Variants in MYO18B observed in about 807,000 individuals in gnomAD.
The protein encoded by MYO18B is myosin XVIIIB.
A neutral mutation model predicts 273.0 loss-of-function variants in MYO18B; 204 were observed. The observed-to-expected ratio is 0.75, with a 90% confidence interval of 0.67 to 0.84. MYO18B has a LOEUF of 0.84. Ranked by LOEUF, MYO18B falls within the 40% of genes least tolerant of loss-of-function variation. The pLI is 0.00. For missense variants in MYO18B, 3,212 were observed against 3,287.6 expected (o/e 0.98, Z 0.56); for synonymous variants, 1,330 against 1,305.7 (o/e 1.02, Z -0.40).
rs1318244327 is a variant in MYO18B at position 26,017,904 on chromosome 22, C to G, written c.6471-8541C>G. Among the ~76,000 whole-genome samples the G allele has an allele frequency of 4.6e-5, 7 of 151,116 alleles. No homozygotes were observed. The East Asian group carries it at 1.4e-3, about 29-fold the overall frequency. On this transcript the variant is annotated intron_variant, in intron 42 of 43. Coordinates refer to ENST00000335473, the MANE Select transcript of MYO18B (RefSeq NM_032608.7). ...CTTATTATTAACATCTTGCATTACT[C>G]CTCCATCTCTTTTAAATGAGAACGA...
intron 20 of MYO18B, among the ~76,000 whole-genome samples, chr22:25,849,583 T>G (rs1022697677): frequency 6.6e-6 from 1 of 152,198 alleles, no homozygotes; most frequent in Non-Finnish European, 1.5e-5. Context: ...AATGAGATCA[T>G]TTTTGCTGTG....
At chr22:26,013,475 T>C (rs1935071009) in intron 42 of MYO18B, among the ~76,000 whole-genome samples, 1 of 152,240 alleles carries the variant, frequency 6.6e-6, no homozygotes, top group Non-Finnish European at 1.5e-5. Flanking sequence ...TGGTTTCCCA[T>C]GATTATGAAT....
At chr22:25,984,166 C>T (rs2093177339) in intron 39 of MYO18B, among the ~76,000 whole-genome samples, 1 of 152,146 alleles carries the variant, frequency 6.6e-6, no homozygotes, top group African/African-American at 2.4e-5. Context: ...CACCTTTTGT[C>T]AAGGAATAAT....
intron 41 of MYO18B, among the ~76,000 whole-genome samples, chr22:26,003,556 T>C (rs797020275): frequency 3.3e-5 from 5 of 152,318 alleles, no homozygotes; most frequent in African/African-American, 9.6e-5. Flanking sequence ...TGGCTCCCTA[T>C]TGCCCCAGAA....
At chr22:25,994,540 T>A (rs1052557910) in intron 40 of MYO18B, among the ~76,000 whole-genome samples, 2 of 149,526 alleles carry the variant, frequency 1.3e-5, no homozygotes, top group African/African-American at 2.5e-5. Context: ...TTAAAAAAAA[T>A]TATTCAATTT....
chr22:26,052,462 T>G, the MYO18B span, among the ~76,000 whole-genome samples: 1 of 152,212 alleles, frequency 6.6e-6, no homozygotes, highest in African/African-American at 2.4e-5. Flanking sequence ...TGGATGTATA[T>G]TCTCACTCCT....
intron 21 of MYO18B, among the ~76,000 whole-genome samples, chr22:25,851,782 G>T (rs920786693): frequency 4.6e-5 from 7 of 152,184 alleles, no homozygotes; most frequent in Non-Finnish European, 7.3e-5. Flanking sequence ...GTGGGCTCAT[G>T]TTCCATAAGG....
intron 39 of MYO18B, among the ~76,000 whole-genome samples, chr22:25,967,830 C>T (rs934990518): frequency 1.3e-5 from 2 of 152,160 alleles, no homozygotes; most frequent in African/African-American, 2.4e-5. Flanking sequence ...GGGGTCAACC[C>T]GTATCTGTTT....
chr22:25,758,290 A>T (rs1039996744), intron 1 of MYO18B, among the ~76,000 whole-genome samples: 8 of 149,358 alleles, frequency 5.4e-5, no homozygotes, highest in Admixed American at 5.3e-4. Flanking sequence ...GGGATTACAG[A>T]TGTGAGCCAC....
At chr22:25,850,571 T>C (rs945990203) in intron 20 of MYO18B, among the ~76,000 whole-genome samples, 10 of 152,182 alleles carry the variant, frequency 6.6e-5, no homozygotes, top group Non-Finnish European at 1.3e-4. Context: ...TACTGTGGAC[T>C]ATAAAATAAT....
At chr22:25,862,060 C>G (rs1269865248) in intron 21 of MYO18B, among the ~76,000 whole-genome samples, 1 of 152,082 alleles carries the variant, frequency 6.6e-6, no homozygotes, top group Non-Finnish European at 1.5e-5. Context: ...TCACGGTTCC[C>G]TAAACAACAC....
chr22:25,915,645 A>C (rs2092249899), intron 33 of MYO18B, among the ~76,000 whole-genome samples: 1 of 152,148 alleles, frequency 6.6e-6, no homozygotes, highest in Non-Finnish European at 1.5e-5. Flanking sequence ...TTATTATTGA[A>C]TATTATATGT....
chr22:25,773,609 A>G (rs1226184586), intron 7 of MYO18B, among the ~76,000 whole-genome samples: 10 of 151,824 alleles, frequency 6.6e-5, no homozygotes, highest in Admixed American at 1.3e-4. Context: ...GACTACAGGC[A>G]CCCGCCACCA....
At chr22:25,827,230 A>G (rs1239693601) in intron 14 of MYO18B, among the ~76,000 whole-genome samples, 2 of 152,154 alleles carry the variant, frequency 1.3e-5, no homozygotes, top group Non-Finnish European at 2.9e-5. Flanking sequence ...GAGGAGACTA[A>G]AGCTTGAAGG....
intron 12 of MYO18B, among the ~76,000 whole-genome samples, chr22:25,812,126 A>G (rs5752224): frequency 0.066 from 10,044 of 152,242 alleles, 579 homozygotes; most frequent in East Asian, 0.21. Flanking sequence ...TTGGGGGTCC[A>G]AGGAAGGCTT....
intron 12 of MYO18B, among the ~76,000 whole-genome samples, chr22:25,810,281 G>A (rs1050454308): frequency 2.6e-5 from 4 of 151,386 alleles, no homozygotes; most frequent in African/African-American, 9.7e-5. Flanking sequence ...TGTATTTTTA[G>A]TAGAGATGGG....
At chr22:25,913,634 C>CTG (rs2092204569) in intron 33 of MYO18B, among the ~76,000 whole-genome samples, 1 of 152,208 alleles carries the variant, frequency 6.6e-6, no homozygotes, top group African/African-American at 2.4e-5. Context: ...TCCCAAAGTG[C>CTG]TGGGATTACA....
At chr22:25,898,252 A>T (rs1354454074) in intron 28 of MYO18B, 55 bp from the exon 29 acceptor site, 1 of 1,563,584 alleles carries the variant, frequency 6.4e-7, no homozygotes, top group Non-Finnish European at 8.6e-7. Context: ...AATACAAAGT[A>T]AAAAGCTCGT....
At chr22:25,762,662 G>A (rs569868227) in intron 2 of MYO18B, among the ~76,000 whole-genome samples, 2 of 152,400 alleles carry the variant, frequency 1.3e-5, no homozygotes, top group South Asian at 4.1e-4. Flanking sequence ...TTTAAGGACT[G>A]TCAGGAAGCC....
Sources: gnomAD v4.1 joint callset for allele counts (sites outside exome capture counted in the v4.1 genomes callset) on GRCh38, gnomAD v4.1.1 for gene constraint, MANE v1.5 for transcripts, NCBI Gene and HGNC (gene_info 2026-07-23, HGNC 2026-07-21) for gene names.